Variants in HIBADH observed in about 807,000 individuals in gnomAD.
The protein encoded by HIBADH is 3-hydroxyisobutyrate dehydrogenase.
HIBADH carries 25 observed loss-of-function variants against 36.1 expected under a neutral mutation model. That is an observed-to-expected ratio of 0.69 (90% CI 0.50 to 0.97). The LOEUF (loss-of-function observed/expected upper bound fraction) is 0.97. Ranked by LOEUF, HIBADH falls within the 50% of genes least tolerant of loss-of-function variation. The probability of loss-of-function intolerance (pLI) is 0.00; values close to 1 mark genes in which losing one functional copy is unlikely to be tolerated. For synonymous variants in HIBADH, 160 were observed against 149.5 expected (o/e 1.07, Z -0.51); for missense variants, 421 against 418.0 (o/e 1.01, Z -0.06).
intron 4 of HIBADH, among the ~76,000 whole-genome samples, chr7:27,546,263 T>C (rs1488563497): frequency 6.6e-6 from 1 of 152,068 alleles, no homozygotes; most frequent in Non-Finnish European, 1.5e-5. Flanking sequence ...CCACTGTGCC[T>C]GGCTATTTGT....
intron 4 of HIBADH, among the ~76,000 whole-genome samples, chr7:27,589,396 G>A (rs971812831): frequency 1.3e-5 from 2 of 152,042 alleles, no homozygotes; most frequent in African/African-American, 4.8e-5. Context: ...AATTCTTATT[G>A]ACTAAATGAG....
chr7:27,565,785 T>TAAAC (rs1784539265), intron 4 of HIBADH, among the ~76,000 whole-genome samples: 1 of 152,192 alleles, frequency 6.6e-6, no homozygotes. Context: ...GTTTTTGTTT[T>TAAAC]AGTACATGCC....
chr7:27,594,363 G>A (rs994418726), intron 4 of HIBADH, among the ~76,000 whole-genome samples: 2 of 151,920 alleles, frequency 1.3e-5, no homozygotes, highest in African/African-American at 2.4e-5. Context: ...GGCTGGTCTC[G>A]AACTTCTGAC....
chr7:27,535,564 AAAC>A (rs1784060102), intron 6 of HIBADH, among the ~76,000 whole-genome samples: 1 of 152,144 alleles, frequency 6.6e-6, no homozygotes, highest in Non-Finnish European at 1.5e-5. Context: ...TGGTAATTTA[AAAC>A]AACAAAACAT....
rs1031618847 is a variant in HIBADH, at chr7:27,526,029, G to A, written c.*185C>T. Reference sequence around the variant, plus strand: ...TCAGTGGCTTGCAGAAAAAAAATTCGGATAATATGTTTGTTAAAAAGACAA... The same window carrying A: ...TCAGTGGCTTGCAGAAAAAAAATTCAGATAATATGTTTGTTAAAAAGACAA... On this transcript the variant is annotated 3_prime_UTR_variant, in exon 8 of 8. Coordinates refer to ENST00000265395, the MANE Select transcript of HIBADH (RefSeq NM_152740.4). The A allele has an allele frequency of 4.0e-5, 17 of 428,378 alleles. No individual in the cohort carries two copies. The highest frequency in any genetic ancestry group is 2.0e-4 in the African/African-American group (10 of 48,850). 26.5% of individuals were successfully genotyped at this position (428,378 alleles called of 1,614,324 possible). A position where few individuals can be genotyped will look rare whatever the true frequency, so the allele number is the denominator to read the frequency against.
Position 27,542,962 on chromosome 7 carries a change from C to A in HIBADH, c.618+5G>T, listed in dbSNP as rs752997445. 3 of 1,611,298 alleles carry A rather than the reference C, an allele frequency of 1.9e-6. No homozygotes were observed. The highest frequency in any genetic ancestry group is 2.5e-6 in the Non-Finnish European group (3 of 1,178,954). ...AAGTCAAGGTCATTAATGTAAAAAT[C>A]TTACCTGCCCAGTCCCAACAGCTCC... is the stretch of plus-strand genomic sequence containing the variant. On this transcript the variant is annotated splice_donor_5th_base_variant and intron_variant, in intron 5 of 7. Coordinates refer to ENST00000265395, the MANE Select transcript of HIBADH (RefSeq NM_152740.4).
At chr7:27,628,826 A>G (rs1785693351) in intron 4 of HIBADH, among the ~76,000 whole-genome samples, 1 of 152,050 alleles carries the variant, frequency 6.6e-6, no homozygotes, top group Non-Finnish European at 1.5e-5. Context: ...TCTCTTTTAT[A>G]ACATTTCTAT....
intron 2 of HIBADH, among the ~76,000 whole-genome samples, chr7:27,639,650 T>G (rs893424037): frequency 3.9e-5 from 6 of 152,128 alleles, no homozygotes; most frequent in African/African-American, 1.4e-4. Context: ...ACAAACACAC[T>G]CATTTTCTGA....
intron 4 of HIBADH, among the ~76,000 whole-genome samples, chr7:27,613,851 G>C (rs750421589): frequency 1.3e-5 from 2 of 151,926 alleles, no homozygotes; most frequent in Non-Finnish European, 2.9e-5. Context: ...GTAGAGACAG[G>C]GTTTCACCAT....
chr7:27,532,084 G>A (rs1350874493), intron 6 of HIBADH, among the ~76,000 whole-genome samples: 2 of 152,134 alleles, frequency 1.3e-5, no homozygotes, highest in Non-Finnish European at 2.9e-5. Context: ...TGCCCAAGCA[G>A]AAACATCATT....
intron 4 of HIBADH, among the ~76,000 whole-genome samples, chr7:27,595,589 T>G (rs1252320438): frequency 7.3e-6 from 1 of 136,858 alleles, no homozygotes; most frequent in Non-Finnish European, 1.5e-5. Flanking sequence ...GGTGTGTGTG[T>G]GTGTGTGTGT....
intron 1 of HIBADH, 48 bp downstream of exon 1, chr7:27,662,650 G>A (rs990937318): frequency 9.5e-6 from 11 of 1,158,444 alleles, no homozygotes; most frequent in Non-Finnish European, 1.2e-5. Context: ...GACAGAAGAA[G>A]CGAGCGGCCG....
At chr7:27,636,827 G>A (rs1785849038) in intron 2 of HIBADH, among the ~76,000 whole-genome samples, 1 of 152,198 alleles carries the variant, frequency 6.6e-6, no homozygotes, top group Non-Finnish European at 1.5e-5. Flanking sequence ...CAAAATAAAG[G>A]TGGGTCAGAA....
intron 4 of HIBADH, among the ~76,000 whole-genome samples, chr7:27,580,903 C>T (rs1400718671): frequency 6.6e-6 from 1 of 152,102 alleles, no homozygotes; most frequent in Non-Finnish European, 1.5e-5. Flanking sequence ...TGCTGCTTGG[C>T]CAATTCTAAC....
intron 2 of HIBADH, among the ~76,000 whole-genome samples, chr7:27,646,363 G>A (rs915589709): frequency 2.6e-5 from 4 of 152,008 alleles, no homozygotes; most frequent in African/African-American, 4.8e-5. Flanking sequence ...CCAAAACTCC[G>A]AAGTCAAAGA....
At chr7:27,570,796 G>A (rs770934619) in intron 4 of HIBADH, among the ~76,000 whole-genome samples, 2 of 93,904 alleles carry the variant, frequency 2.1e-5, no homozygotes, top group Non-Finnish European at 4.1e-5. Flanking sequence ...TGCTTTACAC[G>A]TTTGTATTTG....
At chr7:27,644,811 T>C (rs1410655689) in intron 2 of HIBADH, among the ~76,000 whole-genome samples, 1 of 151,888 alleles carries the variant, frequency 6.6e-6, no homozygotes, top group Non-Finnish European at 1.5e-5. Flanking sequence ...CTATCATTCC[T>C]CTATGCCCAA....
chr7:27,565,214 A>T (rs1784528444), intron 4 of HIBADH, among the ~76,000 whole-genome samples: 1 of 152,188 alleles, frequency 6.6e-6, no homozygotes, highest in South Asian at 2.1e-4. Context: ...AAACTAGCCA[A>T]GCCTAAGCCT....
intron 4 of HIBADH, among the ~76,000 whole-genome samples, chr7:27,613,210 T>TAAA (rs1785363895): frequency 1.5e-5 from 2 of 130,030 alleles, no homozygotes; most frequent in Admixed American, 8.8e-5. Flanking sequence ...TATATTTATA[T>TAAA]TTATATATTT....
Sources: allele counts gnomAD v4.1 joint callset (sites outside exome capture counted in the v4.1 genomes callset), GRCh38; gene constraint gnomAD v4.1.1; transcripts MANE v1.5; gene names NCBI Gene and HGNC (gene_info 2026-07-23, HGNC 2026-07-21).